NRAP: variants seen among roughly 807,000 people sequenced by gnomAD.
The protein encoded by NRAP is nebulin related anchoring protein, also known as nebulin-related-anchoring protein.
In NRAP, 189 loss-of-function variants were observed where a neutral mutation model predicts 225.9. The ratio of observed to expected loss-of-function variants is 0.84; its 90% CI spans 0.74 to 0.94. The LOEUF (loss-of-function observed/expected upper bound fraction) is 0.94, where lower values mean the gene tolerates loss of function less well. NRAP is among the 40% of genes least tolerant of loss of function. The pLI is 0.00. For synonymous variants in NRAP, 769 were observed against 790.7 expected, an observed-to-expected ratio of 0.97 and a Z score of 0.46; for missense variants, 2,176 against 2,168.7, an observed-to-expected ratio of 1.00 and a Z score of -0.07.
Position 113,626,097 on chromosome 10 carries a change from C to A in NRAP, c.2194G>T (p.Asp732Tyr). The A allele has an allele frequency of 6.2e-7, 1 of 1,612,226 alleles. No individual in the cohort carries two copies. The highest frequency in any genetic ancestry group is 1.1e-5 in the South Asian group (1 of 90,328). The change falls in exon 21 of 42, where the codon GAC (aspartate) becomes TAC (tyrosine). Residue 732 changes from aspartate (D) to tyrosine (Y), a missense_variant. This residue lies in a region of NRAP where 1,708 missense variants were observed against 1,695.5 expected (regional missense o/e 1.01). Coordinates refer to ENST00000359988, the MANE Select transcript of NRAP (RefSeq NM_198060.4). ...TTGGCGTGCTCCATCTGGGAGCTGT[C>A]GGTCACGCTGGTGAACTTCAGCTCA... is the stretch of plus-strand genomic sequence containing the variant. ...VDELKFTSVTDSSQMEHAKKS... is the reference protein window; with the variant it reads ...VDELKFTSVTYSSQMEHAKKS...
At chr10:113,595,580 T>C in intron 38 of NRAP, 43 bp downstream of exon 38, 1 of 1,281,906 alleles carries the variant, frequency 7.8e-7, no homozygotes, top group South Asian at 1.2e-5. Flanking sequence ...CAGATCATTT[T>C]ACAAAAGTGG....
chr10:113,663,475 A>G (rs749255409), intron 1 of NRAP, 29 bp from the exon 2 acceptor site: 1 of 1,363,624 alleles, frequency 7.3e-7, no homozygotes, highest in Non-Finnish European at 1.0e-6. Context: ...AGATTTAGCA[A>G]TTACCCTTTT....
intron 5 of NRAP, 65 bp downstream of exon 5, chr10:113,653,956 A>T (rs899148462): frequency 2.1e-6 from 2 of 942,354 alleles, no homozygotes; most frequent in Non-Finnish European, 3.5e-6. Context: ...AAAGTCAAGG[A>T]ACAGTCAAAC....
At chr10:113,651,771 T>C in intron 7 of NRAP, 32 bp downstream of exon 7, 1 of 1,315,474 alleles carries the variant, frequency 7.6e-7, no homozygotes, top group Non-Finnish European at 1.1e-6. Context: ...CAAATGCCCA[T>C]CAGTGATGGA....
intron 35 of NRAP, 70 bp downstream of exon 35, chr10:113,604,539 G>A (rs989676871): frequency 2.8e-6 from 4 of 1,404,038 alleles, no homozygotes; most frequent in Middle Eastern, 1.8e-4. Context: ...AAGAAGCAGA[G>A]ATTGACACCC....
chr10:113,644,970 T>C (rs1455392343), intron 11 of NRAP, among the ~76,000 whole-genome samples: 1 of 152,068 alleles, frequency 6.6e-6, no homozygotes, highest in Non-Finnish European at 1.5e-5. Flanking sequence ...ATGAGAAGGA[T>C]ATGAGGTTCT....
In NRAP at chr10:113,651,914, A is replaced by G. The variant is rs148364613; in HGVS notation, c.571-7T>C. On this transcript the variant is annotated splice_polypyrimidine_tract_variant and splice_region_variant and intron_variant, in intron 6 of 41. Coordinates refer to ENST00000359988, the MANE Select transcript of NRAP (RefSeq NM_198060.4). ...GCCCTCTCTTATACTCCACCTGATG[A>G]GAAGACAGTAGAGTCAAGGGTGCAC... 9.8e-5 allele frequency: 155 copies of G among 1,580,306 alleles called. 2 individuals carry two copies. In the East Asian group the frequency reaches 3.4e-3, roughly 35 times the overall value.
In NRAP at chr10:113,622,130, T is replaced by C. The variant is rs879027018; in HGVS notation, c.2508A>G (p.Ala836=). 2.8e-5 allele frequency: 45 copies of C among 1,614,026 alleles called. No homozygotes were observed. In the African/African-American group the frequency reaches 5.7e-4, roughly 21 times the overall value. The change falls in exon 24 of 42, where the codon GCA becomes GCG. Residue 836 remains alanine (A), a synonymous_variant. Transcript: ENST00000359988. The part of the protein sequence containing the change: ...YERSRGKLIG[A]KDVQGDSQMS... ...TTTGCGAATCTCCCTGTACATCTTT[T>C]GCCCCAATGAGCTTCCCTCTGGATC...
rs1850005042 is a variant in NRAP at position 113,651,995 on chromosome 10, T to G, written c.571-88A>C. Reference sequence around the variant, plus strand: ...CTGTGGCTCTCCTAAAGCTGCACCATCAGGCTACACTCAATGCAAACCTGT... The same window carrying G: ...CTGTGGCTCTCCTAAAGCTGCACCAGCAGGCTACACTCAATGCAAACCTGT... On this transcript the variant is annotated intron_variant, in intron 6 of 41. Coordinates refer to ENST00000359988, the MANE Select transcript of NRAP (RefSeq NM_198060.4). 3.7e-6 allele frequency: 3 copies of G among 816,198 alleles called. No homozygotes were observed. In the Admixed American group the frequency reaches 5.6e-5, roughly 15 times the overall value. 50.6% of individuals were successfully genotyped at this position (816,198 alleles called of 1,614,324 possible). A position where few individuals can be genotyped will look rare whatever the true frequency, so the allele number is the denominator to read the frequency against.
In NRAP at chr10:113,614,822, T is replaced by TG; in HGVS notation, c.3186+16dup. On this transcript the variant is annotated intron_variant, in intron 28 of 41. Coordinates refer to ENST00000359988, the MANE Select transcript of NRAP (RefSeq NM_198060.4). ...TTAGTGTTGAACATTGTCACAAGAA[T>TG]GGGGGTGAATGCTCACATCACTTAT... 1 of 1,431,046 alleles carries TG rather than the reference T, an allele frequency of 7.0e-7. No homozygotes were observed. Among genetic ancestry groups the TG allele is most frequent in the Non-Finnish European group, 9.9e-7 (1 of 1,012,428 alleles). 88.6% of individuals were successfully genotyped at this position (1,431,046 alleles called of 1,614,324 possible). A position where few individuals can be genotyped will look rare whatever the true frequency, so the allele number is the denominator to read the frequency against.
In NRAP at chr10:113,633,130, A is replaced by G; in HGVS notation, c.1586T>C (p.Val529Ala). 3 of 1,610,458 alleles carry G rather than the reference A, an allele frequency of 1.9e-6. No individual in the cohort carries two copies. Among genetic ancestry groups the G allele is most frequent in the Non-Finnish European group, 2.5e-6 (3 of 1,176,680 alleles). Residue 529 changes from valine to alanine, a missense_variant, in exon 16 of 42, where the codon GTT becomes GCT. Transcript: ENST00000359988. ...NKLNYTLPQDVPQLVKAKTNA... is the reference protein window; with the variant it reads ...NKLNYTLPQDAPQLVKAKTNA... Reference sequence around the variant, plus strand: ...GGTTTTGGCCTTCACCAGCTGAGGAACATCCTGGGGCAATGTGTAATTCAA... The same window carrying G: ...GGTTTTGGCCTTCACCAGCTGAGGAGCATCCTGGGGCAATGTGTAATTCAA...
intron 35 of NRAP, among the ~76,000 whole-genome samples, chr10:113,598,998 G>A (rs972224551): frequency 1.6e-4 from 24 of 152,130 alleles, no homozygotes; most frequent in African/African-American, 5.1e-4. Context: ...CGAGAAAGTC[G>A]CCTGAATGCT....
At chr10:113,615,060 A>T in intron 27 of NRAP, 114 bp from the exon 28 acceptor site, 1 of 536,810 alleles carries the variant, frequency 1.9e-6, no homozygotes, top group Non-Finnish European at 3.6e-6. Flanking sequence ...TCCCCTGGCC[A>T]GTTGGAGTTA....
At position 113,626,055 on chromosome 10, in the gene NRAP, G is replaced by T. The variant is rs768489719; in HGVS notation, c.2236C>A (p.Gln746Lys). Reference protein sequence around the residue: ...MEHAKKSQELQSGVAYKAGNE... With the variant: ...MEHAKKSQELKSGVAYKAGNE... The stretch of plus-strand genomic sequence containing the variant: ...GGCAGCCCAGGACTCACCCCGCTCT[G>T]TAGCTCCTGGCTCTTCTTGGCGTGC... The change falls in exon 21 of 42, where the codon CAG becomes AAG. Residue 746 changes from glutamine (Q) to lysine (K), a missense_variant. Transcript: ENST00000359988. 5.0e-6 allele frequency: 8 copies of T among 1,610,688 alleles called. No individual in the cohort carries two copies. Among genetic ancestry groups the T allele is most frequent in the Non-Finnish European group, 6.8e-6 (8 of 1,178,634 alleles).
At chr10:113,645,204 A>C (rs1339066643) in intron 11 of NRAP, among the ~76,000 whole-genome samples, 2 of 152,152 alleles carry the variant, frequency 1.3e-5, no homozygotes, top group African/African-American at 4.8e-5. Flanking sequence ...AAAAAGATGG[A>C]TCCTCCAGTA....
At chr10:113,608,157 C>G (rs1227984985) in intron 32 of NRAP, among the ~76,000 whole-genome samples, 1 of 152,186 alleles carries the variant, frequency 6.6e-6, no homozygotes, top group Non-Finnish European at 1.5e-5. Context: ...TTGTGCCTTG[C>G]CAGTATGCTC....
chr10:113,663,129 T>C (rs4918863), intron 2 of NRAP, among the ~76,000 whole-genome samples: 24,554 of 152,184 alleles, frequency 0.16, 2,141 homozygotes, highest in African/African-American at 0.23. Context: ...CATGAGGTTA[T>C]AGTGGATATA....
chr10:113,614,057 G>T, intron 29 of NRAP, 126 bp downstream of exon 29: 1 of 694,236 alleles, frequency 1.4e-6, no homozygotes. Flanking sequence ...ATTTAACAAT[G>T]TCACGTAGCA....
rs148158115 is a variant in NRAP at position 113,620,738 on chromosome 10, G to C, written c.2770-30C>G. 5,021 of 1,312,452 alleles carry C rather than the reference G, an allele frequency of 3.8e-3. 20 individuals are homozygous for C. Among genetic ancestry groups the C allele is most frequent in the Middle Eastern group, 7.9e-3 (39 of 4,912 alleles). 81.3% of individuals were successfully genotyped at this position (1,312,452 alleles called of 1,614,324 possible). A position where few individuals can be genotyped will look rare whatever the true frequency, so the allele number is the denominator to read the frequency against. On this transcript the variant is annotated intron_variant, in intron 24 of 41. Transcript: ENST00000359988. ...CAAAGGAGAAAGAAAAAAAAAAAAA[G>C]CAGGCCATTGTTGGTGCACAGACAT...
Sources: allele counts gnomAD v4.1 joint callset (sites outside exome capture counted in the v4.1 genomes callset), GRCh38; gene constraint gnomAD v4.1.1; regional missense constraint gnomAD v4.1.1; transcripts MANE v1.5; gene names NCBI Gene and HGNC (gene_info 2026-07-23, HGNC 2026-07-21).